DTWD2: variants seen among roughly 807,000 people sequenced by gnomAD.
DTWD2 encodes the protein tRNA-uridine aminocarboxypropyltransferase 2.
In DTWD2, 39 loss-of-function variants were observed where a neutral mutation model predicts 31.8. The ratio of observed to expected loss-of-function variants is 1.22; its 90% CI spans 0.95 to 1.60. The LOEUF (loss-of-function observed/expected upper bound fraction) is 1.60, where lower values mean the gene tolerates loss of function less well. Ranked by LOEUF, DTWD2 falls within the 40% of genes most tolerant of loss-of-function variation. DTWD2 has a pLI of 0.00. For synonymous variants in DTWD2, 180 were observed against 142.8 expected (o/e 1.26, Z -1.86); for missense variants, 515 against 381.5 (o/e 1.35, Z -2.92).
At chr5:118,885,487 C>T (rs946937566) in intron 4 of DTWD2, among the ~76,000 whole-genome samples, 2 of 144,372 alleles carry the variant, frequency 1.4e-5, no homozygotes, top group African/African-American at 5.2e-5. Flanking sequence ...AAAAATTGGC[C>T]AGGCGCAGTG....
In DTWD2 at chr5:118,928,686, T is replaced by G; in HGVS notation, c.448A>C (p.Ile150Leu). 1 of 1,587,552 alleles carries G rather than the reference T, an allele frequency of 6.3e-7. No individual in the cohort carries two copies. Among genetic ancestry groups the G allele is most frequent in the South Asian group, 1.2e-5 (1 of 83,794 alleles). The change falls in exon 4 of 6, where the codon ATA becomes CTA. Residue 150 changes from isoleucine (I) to leucine (L), a missense_variant. By Grantham distance (5) the Ile-to-Leu change is conservative (BLOSUM62 2). Transcript: ENST00000510708. ...STVCRKSGTL[I>L]LYPGAEAANL... ...GCAGCTTCAGCCCCTGGATATAATA[T>G]TAATGTACCAGACTTCCGGCAAACA...
intron 1 of DTWD2, among the ~76,000 whole-genome samples, chr5:118,959,454 CACAA>C (rs757348126): frequency 2.0e-5 from 3 of 152,112 alleles, no homozygotes; most frequent in Non-Finnish European, 2.9e-5. Flanking sequence ...TCAGAGATGA[CACAA>C]ACAAATAGAA....
At chr5:118,956,962 T>C (rs947527555) in intron 1 of DTWD2, among the ~76,000 whole-genome samples, 1 of 152,158 alleles carries the variant, frequency 6.6e-6, no homozygotes, top group Admixed American at 6.5e-5. Context: ...ACTAACGTGA[T>C]CTGTAAGATA....
chr5:118,878,480 C>G (rs1470806036), intron 4 of DTWD2, among the ~76,000 whole-genome samples: 3 of 152,104 alleles, frequency 2.0e-5, no homozygotes, highest in African/African-American at 7.2e-5. Flanking sequence ...TGATACTGGA[C>G]CCCTTCATTA....
At chr5:118,892,520 T>G (rs1020753103) in intron 4 of DTWD2, among the ~76,000 whole-genome samples, 4 of 152,150 alleles carry the variant, frequency 2.6e-5, no homozygotes, top group Admixed American at 2.6e-4. Context: ...GATGGTTACA[T>G]GAAATGTATA....
intron 1 of DTWD2, among the ~76,000 whole-genome samples, chr5:118,973,592 C>T (rs1580449381): frequency 7.1e-6 from 1 of 141,530 alleles, no homozygotes; most frequent in African/African-American, 3.1e-5. Context: ...GCCATCTTTG[C>T]ATTGTTCCTC....
intron 4 of DTWD2, among the ~76,000 whole-genome samples, chr5:118,916,226 C>T (rs1295984598): frequency 6.6e-6 from 1 of 152,174 alleles, no homozygotes; most frequent in Non-Finnish European, 1.5e-5. Context: ...TCTGATTTGC[C>T]TGTCACCTTC....
intron 4 of DTWD2, among the ~76,000 whole-genome samples, chr5:118,858,287 G>A (rs369955805): frequency 6.6e-6 from 1 of 152,098 alleles, no homozygotes. Flanking sequence ...GTACTCAATG[G>A]AATTTAAGGG....
intron 2 of DTWD2, among the ~76,000 whole-genome samples, chr5:118,942,998 C>A (rs1187398809): frequency 6.6e-6 from 1 of 152,076 alleles, no homozygotes; most frequent in Non-Finnish European, 1.5e-5. Context: ...GAGATGGGGT[C>A]TCGCTATGTT....
intron 5 of DTWD2, among the ~76,000 whole-genome samples, chr5:118,841,382 A>C (rs1247302309): frequency 6.6e-6 from 1 of 152,222 alleles, no homozygotes; most frequent in African/African-American, 2.4e-5. Context: ...CACCACAAAA[A>C]ATTGTTGCCA....
At chr5:118,861,304 G>T (rs1208930990) in intron 4 of DTWD2, among the ~76,000 whole-genome samples, 1 of 152,146 alleles carries the variant, frequency 6.6e-6, no homozygotes, top group Non-Finnish European at 1.5e-5. Context: ...TAAGCATTTG[G>T]TGAAGCCCAC....
chr5:118,876,092 C>A (rs1177709887), intron 4 of DTWD2, among the ~76,000 whole-genome samples: 1 of 152,146 alleles, frequency 6.6e-6, no homozygotes, highest in Admixed American at 6.5e-5. Flanking sequence ...AAATAACCTG[C>A]TCCTGAATGA....
rs186042316 is a variant in DTWD2, at chr5:118,838,604, G to C, written c.*2313C>G. ...TAGAGAAGCATTTTATACCACAGATGATTAAATGGACTCACCTTGTTAAGA... is the reference window on the plus strand; with the variant it reads ...TAGAGAAGCATTTTATACCACAGATCATTAAATGGACTCACCTTGTTAAGA... On this transcript the variant is annotated 3_prime_UTR_variant, in exon 6 of 6. Transcript: ENST00000510708. 19 of 152,182 alleles carry C rather than the reference G, an allele frequency of 1.2e-4. No homozygotes were observed. The highest frequency in any genetic ancestry group is 2.9e-5 in the Non-Finnish European group (2 of 68,000). The allele number at this position is 152,182 out of a possible 1,614,324, so 9.4% of individuals were successfully genotyped here.
At position 118,916,570 on chromosome 5, in the gene DTWD2, C is replaced by T. The variant is rs184455019; in HGVS notation, c.597+11967G>A. Among the ~76,000 whole-genome samples the T allele has an allele frequency of 6.0e-3, 900 of 150,438 alleles. 3 individuals carry two copies. Among genetic ancestry groups the T allele is most frequent in the Non-Finnish European group, 9.2e-3 (624 of 67,790 alleles). On this transcript the variant is annotated intron_variant, in intron 4 of 5. Coordinates refer to ENST00000510708, the MANE Select transcript of DTWD2 (RefSeq NM_173666.4). ...ATCCCAGCTACTTGGGAGGTTGAGGCAGGAGAATCACTTGAACCCGGGATG... is the reference window on the plus strand; with the variant it reads ...ATCCCAGCTACTTGGGAGGTTGAGGTAGGAGAATCACTTGAACCCGGGATG...
intron 2 of DTWD2, among the ~76,000 whole-genome samples, chr5:118,940,374 T>C (rs1049588164): frequency 5.9e-5 from 9 of 152,212 alleles, no homozygotes; most frequent in African/African-American, 1.9e-4. Flanking sequence ...TAAACCTTTA[T>C]CAAAGTAATA....
chr5:118,881,239 A>T (rs1752733351), intron 4 of DTWD2, among the ~76,000 whole-genome samples: 1 of 152,230 alleles, frequency 6.6e-6, no homozygotes, highest in Non-Finnish European at 1.5e-5. Context: ...CATGAATTTC[A>T]CAAGAATTTG....
intron 2 of DTWD2, among the ~76,000 whole-genome samples, chr5:118,940,000 C>G (rs1004364310): frequency 2.6e-5 from 4 of 152,164 alleles, no homozygotes; most frequent in African/African-American, 7.2e-5. Context: ...AATACTCCCC[C>G]CTCCTGAAGG....
At chr5:118,911,547 C>T (rs1325815036) in intron 4 of DTWD2, among the ~76,000 whole-genome samples, 2 of 152,160 alleles carry the variant, frequency 1.3e-5, no homozygotes, top group Non-Finnish European at 2.9e-5. Flanking sequence ...GAAAAGACAT[C>T]TGCACTCCCA....
chr5:118,890,673 C>T lies in DTWD2; in HGVS notation c.597+37864G>A, dbSNP rs530000849. Among the ~76,000 whole-genome samples the T allele has an allele frequency of 2.8e-5, 4 of 144,600 alleles. No homozygotes were observed. The South Asian group carries it at 6.6e-4, about 24-fold the overall frequency. 94.9% of individuals were successfully genotyped at this position (144,600 alleles called of 152,430 possible). A position where few individuals can be genotyped will look rare whatever the true frequency, so the allele number is the denominator to read the frequency against. ...GCAACCTCCGCCTCCCAGGTTCAAG[C>T]GATTCTTCTGCCTCAGCCTCCAAAG... On this transcript the variant is annotated intron_variant, in intron 4 of 5. Transcript: ENST00000510708.
Sources: gnomAD v4.1 joint callset for allele counts (sites outside exome capture counted in the v4.1 genomes callset) on GRCh38, gnomAD v4.1.1 for gene constraint, MANE v1.5 for transcripts, NCBI Gene and HGNC (gene_info 2026-07-23, HGNC 2026-07-21) for gene names.